The following ZFYVE16 variants were observed in gnomAD, a reference collection of about 807,000 sequenced individuals.
ZFYVE16 encodes the protein zinc finger FYVE-type containing 16, also known as zinc finger FYVE domain-containing protein 16.
ZFYVE16 carries 89 observed loss-of-function variants against 138.1 expected under a neutral mutation model. The observed-to-expected ratio is 0.64, with a 90% CI of 0.54 to 0.77. The LOEUF is 0.77. Among genes scored for constraint, ZFYVE16 ranks in the 30% least tolerant of loss-of-function variants. ZFYVE16 has a pLI of 0.00. For synonymous variants in ZFYVE16, 596 were observed against 618.3 expected, an observed-to-expected ratio of 0.96 and a Z score of 0.53; for missense variants, 1,793 against 1,786.7, an observed-to-expected ratio of 1.00 and a Z score of -0.06.
chr5:80,446,739 A>G (rs1048784062), intron 7 of ZFYVE16, among the ~76,000 whole-genome samples: 6 of 152,180 alleles, frequency 3.9e-5, no homozygotes, highest in African/African-American at 1.2e-4. Flanking sequence ...CATTCAAGAA[A>G]GTATGTGATG....
chr5:80,468,883 T>C (rs1754003233), intron 15 of ZFYVE16, among the ~76,000 whole-genome samples: 1 of 152,030 alleles, frequency 6.6e-6, no homozygotes, highest in Non-Finnish European at 1.5e-5. Context: ...GCAATTCTTA[T>C]GCTTTTTATT....
intron 18 of ZFYVE16, among the ~76,000 whole-genome samples, chr5:80,476,815 T>G (rs1318080919): frequency 6.6e-6 from 1 of 152,244 alleles, no homozygotes; most frequent in Non-Finnish European, 1.5e-5. Flanking sequence ...TGTATTAAAA[T>G]GTAATTTGCA....
chr5:80,457,980 C>T (rs1010173333), intron 14 of ZFYVE16, among the ~76,000 whole-genome samples: 3 of 147,062 alleles, frequency 2.0e-5, no homozygotes, highest in East Asian at 2.0e-4. Context: ...GAGCCCAGAT[C>T]GTGCCACTGC....
In ZFYVE16 at chr5:80,451,561, G is replaced by A; in HGVS notation, c.3459G>A (p.Leu1153=). 1 of 1,613,850 alleles carries A rather than the reference G, an allele frequency of 6.2e-7. No homozygotes were observed. Among genetic ancestry groups the A allele is most frequent in the Non-Finnish European group, 8.5e-7 (1 of 1,179,914 alleles). Residue 1153 remains leucine, a synonymous_variant, in exon 11 of 19, where the codon CTG becomes CTA. Coordinates refer to ENST00000505560, the MANE Select transcript of ZFYVE16 (RefSeq NM_001284236.3). ...FLSSKDHGGF[L]FITPTFQKLD... ...GTAGCAAGGATCACGGAGGATTCCT[G>A]TTTATTACACCTACTTTTCAGAAAC...
At position 80,438,774 on chromosome 5, in the gene ZFYVE16, C is replaced by T. The variant is rs199607808; in HGVS notation, c.2089C>T (p.Pro697Ser). Residue 697 changes from proline to serine, a missense_variant, in exon 4 of 19, where the codon CCA becomes TCA. Physicochemically the swap from Pro to Ser is moderately conservative, Grantham distance 74 (BLOSUM62 -1). This residue lies in a region of ZFYVE16 where 1,295 missense variants were observed against 1,204.3 expected (regional missense o/e 1.08). Transcript: ENST00000505560. ...ITCAIDSTAD[P>S]QVSFNSNYID... is the part of the protein sequence containing the mutation. ...TTGTGCTATAGATTCTACAGCTGATCCACAGGTTAGCTTCAACTCTAATTA... is the reference window on the plus strand; with the variant it reads ...TTGTGCTATAGATTCTACAGCTGATTCACAGGTTAGCTTCAACTCTAATTA... The T allele has an allele frequency of 4.3e-6, 7 of 1,614,074 alleles. No homozygotes were observed. In the East Asian group the frequency reaches 8.9e-5, roughly 21 times the overall value.
chr5:80,444,610 C>G (rs1199623002), intron 6 of ZFYVE16, among the ~76,000 whole-genome samples: 1 of 151,198 alleles, frequency 6.6e-6, no homozygotes, highest in African/African-American at 2.4e-5. Context: ...ATTCAGTATC[C>G]ACATTATAAG....
Position 80,437,908 on chromosome 5 carries a change from A to G in ZFYVE16, c.1223A>G (p.Gln408Arg). Reference sequence around the variant, plus strand: ...CAGCATGAACATAAAGATAATATACAAGATGCAGTGACTATACATGAAGAA... The same window carrying G: ...CAGCATGAACATAAAGATAATATACGAGATGCAGTGACTATACATGAAGAA... ...LPQHEHKDNIQDAVTIHEEIQ... is the reference protein window; with the variant it reads ...LPQHEHKDNIRDAVTIHEEIQ... Residue 408 changes from glutamine to arginine, a missense_variant, in exon 4 of 19, where the codon CAA becomes CGA. Physicochemically the swap from Gln to Arg is conservative, Grantham distance 43. Coordinates refer to ENST00000505560, the MANE Select transcript of ZFYVE16 (RefSeq NM_001284236.3). 1.2e-6 allele frequency: 2 copies of G among 1,614,038 alleles called. No homozygotes were observed. Among genetic ancestry groups the G allele is most frequent in the Non-Finnish European group, 8.5e-7 (1 of 1,179,956 alleles).
At chr5:80,426,449 C>G (rs1408191359) in intron 1 of ZFYVE16, among the ~76,000 whole-genome samples, 3 of 150,514 alleles carry the variant, frequency 2.0e-5, no homozygotes, top group East Asian at 1.9e-4. Context: ...CTCACCACCA[C>G]CCCCCCACCC....
In ZFYVE16 at chr5:80,459,436, A is replaced by C. The variant is rs771828546; in HGVS notation, c.3966A>C (p.Val1322=). The C allele has an allele frequency of 7.4e-6, 12 of 1,613,178 alleles. No individual in the cohort carries two copies. The highest frequency in any genetic ancestry group is 1.0e-5 in the Non-Finnish European group (12 of 1,179,552). ...PRKVTGASFV[V]FNGALKTSSG... ...CAGTGACAGGTGCAAGTTTTGTGGT[A>C]TTCAATGGAGCTCTAAAAACATCTT... The change falls in exon 15 of 19, where the codon GTA becomes GTC. Residue 1322 remains valine (V), a synonymous_variant. Coordinates refer to ENST00000505560, the MANE Select transcript of ZFYVE16 (RefSeq NM_001284236.3).
In ZFYVE16 at chr5:80,438,806, T is replaced by A. The variant is rs749735116; in HGVS notation, c.2121T>A (p.Asp707Glu). 9 of 1,613,978 alleles carry A rather than the reference T, an allele frequency of 5.6e-6. No homozygotes were observed. In the African/African-American group the frequency reaches 1.2e-4, roughly 22 times the overall value. Residue 707 changes from aspartate (D) to glutamate (E), a missense_variant, in exon 4 of 19, where the codon GAT becomes GAA. Around this residue, in one of 2 missense-constraint regions of ZFYVE16, gnomAD observed 1,295 missense variants for 1,204.3 expected, o/e 1.08. Transcript: ENST00000505560. ...TTAGCTTCAACTCTAATTACATTGA[T>A]ATAGAAAGTAATTCTGAAGGTGGAT... ...PQVSFNSNYI[D>E]IESNSEGGSS...
chr5:80,437,195 A>G lies in ZFYVE16; in HGVS notation c.510A>G (p.Ser170=). Residue 170 remains serine (S), a synonymous_variant, in exon 4 of 19, where the codon TCA becomes TCG. Coordinates refer to ENST00000505560, the MANE Select transcript of ZFYVE16 (RefSeq NM_001284236.3). ...SLIGLDLSSV[S]DTPCVSSTDH... is the part of the protein sequence containing the mutation. ...TTGGATTGGATTTATCTTCAGTGTC[A>G]GATACTCCCTGTGTTTCTTCAACAG... The G allele has an allele frequency of 1.9e-6, 3 of 1,614,062 alleles. No individual in the cohort carries two copies. The highest frequency in any genetic ancestry group is 2.5e-6 in the Non-Finnish European group (3 of 1,179,998).
intron 6 of ZFYVE16, among the ~76,000 whole-genome samples, chr5:80,445,020 C>T (rs915613769): frequency 6.6e-6 from 1 of 152,104 alleles, no homozygotes; most frequent in Admixed American, 6.6e-5. Context: ...CCTGTCCATT[C>T]CTTTTCATAG....
intron 14 of ZFYVE16, among the ~76,000 whole-genome samples, chr5:80,458,114 CTTATA>C (rs544188215): frequency 4.6e-3 from 687 of 150,104 alleles, no homozygotes; most frequent in Middle Eastern, 6.9e-3. Flanking sequence ...GTATTTCCTT[CTTATA>C]TTAATGTATA....
At chr5:80,423,214 G>C (rs1417060585) in intron 1 of ZFYVE16, among the ~76,000 whole-genome samples, 1 of 152,046 alleles carries the variant, frequency 6.6e-6, no homozygotes, top group Admixed American at 6.6e-5. Flanking sequence ...TAGATGTAGG[G>C]ATTTTGGGTT....
intron 1 of ZFYVE16, among the ~76,000 whole-genome samples, chr5:80,418,860 C>T (rs1746649771): frequency 6.6e-6 from 1 of 152,070 alleles, no homozygotes; most frequent in Non-Finnish European, 1.5e-5. Flanking sequence ...TGTAGATTTT[C>T]TCCTGTGTTT....
Position 80,473,852 on chromosome 5 carries a change from G to A in ZFYVE16, c.4286G>A (p.Cys1429Tyr). 6.2e-7 allele frequency: 1 copy of A among 1,611,012 alleles called. No individual in the cohort carries two copies. The highest frequency in any genetic ancestry group is 8.5e-7 in the Non-Finnish European group (1 of 1,178,352). The change falls in exon 17 of 19, where the codon TGT (cysteine) becomes TAT (tyrosine). Residue 1429 changes from cysteine to tyrosine, a missense_variant. Physicochemically the swap from Cys to Tyr is radical, Grantham distance 194 (BLOSUM62 -2). This residue lies in a region of ZFYVE16 where 498 missense variants were observed against 582.4 expected (regional missense o/e 0.86). Coordinates refer to ENST00000505560, the MANE Select transcript of ZFYVE16 (RefSeq NM_001284236.3). ...GAAACCGATGAGAAGATTGTAAAAT[G>A]TACCGAGGTAACTAAGAAAGAAGGT... is the stretch of plus-strand genomic sequence containing the variant. ...DFETDEKIVK[C>Y]TEVFYFLKDQ... is the part of the protein sequence containing the mutation.
intron 5 of ZFYVE16, chr5:80,441,760 C>T: frequency 2.0e-6 from 2 of 985,358 alleles, no homozygotes; most frequent in Non-Finnish European, 2.4e-6. Flanking sequence ...TTGGATTTCA[C>T]TTGGTTAATG....
chr5:80,474,719 T>C lies in ZFYVE16; in HGVS notation c.4350T>C (p.Phe1450=), dbSNP rs919226245. ...DLSILSTSYQ[F]AKEIAMACSA... is the part of the protein sequence containing the mutation. ...CTATTTTATCAACTTCTTATCAGTT[T>C]GCAAAAGAAATAGCCATGGCTTGTA... The change falls in exon 18 of 19, where the codon TTT becomes TTC. Residue 1450 remains phenylalanine, a synonymous_variant. Coordinates refer to ENST00000505560, the MANE Select transcript of ZFYVE16 (RefSeq NM_001284236.3). The C allele has an allele frequency of 1.1e-5, 17 of 1,613,846 alleles. No individual in the cohort carries two copies. The highest frequency in any genetic ancestry group is 5.0e-5 in the Admixed American group (3 of 59,986).
At chr5:80,410,253 A>G (rs1745220479) in intron 1 of ZFYVE16, 2 of 152,278 alleles carry the variant, frequency 1.3e-5, no homozygotes, top group Admixed American at 6.5e-5. Flanking sequence ...TTCTCAGGCT[A>G]TTGGTACATA....
Sources: allele counts gnomAD v4.1 joint callset (sites outside exome capture counted in the v4.1 genomes callset), GRCh38; gene constraint gnomAD v4.1.1; regional missense constraint gnomAD v4.1.1; transcripts MANE v1.5; gene names NCBI Gene and HGNC (gene_info 2026-07-23, HGNC 2026-07-21).